SH3D19: variants seen among roughly 807,000 people sequenced by gnomAD.
SH3D19 encodes SH3 domain-containing protein 19.
Under a neutral mutation model 112.1 loss-of-function variants are expected in SH3D19, and 58 were observed. The observed-to-expected ratio is 0.52, with a 90% CI of 0.42 to 0.64. SH3D19 has a LOEUF of 0.64. Ranked by LOEUF, SH3D19 falls within the 30% of genes least tolerant of loss-of-function variation. The pLI, the probability that SH3D19 is intolerant of heterozygous loss-of-function variation, is 0.00. For missense variants in SH3D19, 1,090 were observed against 1,263.4 expected, an observed-to-expected ratio of 0.86 and a Z score of 2.08; for synonymous variants, 391 against 448.5, an observed-to-expected ratio of 0.87 and a Z score of 1.62.
intron 3 of SH3D19, among the ~76,000 whole-genome samples, chr4:151,183,613 A>T (rs1250287260): frequency 6.6e-6 from 1 of 152,230 alleles, no homozygotes; most frequent in Non-Finnish European, 1.5e-5. Context: ...GATCTAAATA[A>T]TTCAAAATTA....
chr4:151,212,735 A>C (rs753111587), intron 2 of SH3D19, among the ~76,000 whole-genome samples: 1 of 152,224 alleles, frequency 6.6e-6, no homozygotes, highest in Non-Finnish European at 1.5e-5. Flanking sequence ...CCATGGATCA[A>C]GGAGTTATTT....
chr4:151,195,835 T>C (rs1020620936), intron 2 of SH3D19, among the ~76,000 whole-genome samples: 8 of 150,504 alleles, frequency 5.3e-5, no homozygotes, highest in African/African-American at 2.0e-4. Context: ...CTTTAGATCA[T>C]ACGTAAAGAA....
chr4:151,185,055 T>G (rs991076979), intron 3 of SH3D19, among the ~76,000 whole-genome samples: 9 of 149,926 alleles, frequency 6.0e-5, no homozygotes, highest in East Asian at 2.0e-4. Flanking sequence ...TTTTTTTTTT[T>G]TTTTTTTTTT....
chr4:151,192,400 T>A (rs1018695232), intron 2 of SH3D19, among the ~76,000 whole-genome samples: 1 of 152,172 alleles, frequency 6.6e-6, no homozygotes, highest in Non-Finnish European at 1.5e-5. Context: ...GAAATATATA[T>A]CATAGTACTG....
At chr4:151,280,851 TA>T (rs1171652431) in intron 1 of SH3D19, among the ~76,000 whole-genome samples, 1 of 151,732 alleles carries the variant, frequency 6.6e-6, no homozygotes, top group African/African-American at 2.4e-5. Flanking sequence ...TTCAAAATGC[TA>T]AAAAAAATTT....
chr4:151,271,683 C>T (rs1176465215), intron 1 of SH3D19, among the ~76,000 whole-genome samples: 1 of 152,168 alleles, frequency 6.6e-6, no homozygotes, highest in Non-Finnish European at 1.5e-5. Flanking sequence ...TCCAAGCCAT[C>T]ACCAAGATAA....
At chr4:151,168,774 C>T (rs11943653) in intron 7 of SH3D19, among the ~76,000 whole-genome samples, 2 of 152,044 alleles carry the variant, frequency 1.3e-5, no homozygotes, top group Non-Finnish European at 1.5e-5. Flanking sequence ...GTATCAATAC[C>T]CTGTTGGTTA....
chr4:151,210,698 G>A (rs1273666356), intron 2 of SH3D19, among the ~76,000 whole-genome samples: 4 of 151,972 alleles, frequency 2.6e-5, no homozygotes, highest in Non-Finnish European at 4.4e-5. Context: ...ACTGTGCCTG[G>A]CCCCCCAGTA....
At position 151,148,288 on chromosome 4, in the gene SH3D19, C is replaced by CACAGAG. The variant is rs902059128; in HGVS notation, c.1818-103_1818-102insCTCTGT. The stretch of plus-strand genomic sequence containing the variant: ...ACACACACACACACACACACACACA[C>CACAGAG]AGAGACACAGCTTTCTGCTAGTGGA... On this transcript the variant is annotated intron_variant, in intron 10 of 19. Coordinates refer to ENST00000604030, the MANE Select transcript of SH3D19 (RefSeq NM_001378122.1). The CACAGAG allele has an allele frequency of 3.6e-6, 3 of 823,320 alleles. No homozygotes were observed. The African/African-American group carries it at 5.1e-5, about 14-fold the overall frequency. 51.0% of individuals were successfully genotyped at this position (823,320 alleles called of 1,614,324 possible). A position where few individuals can be genotyped will look rare whatever the true frequency, so the allele number is the denominator to read the frequency against.
chr4:151,248,685 C>T (rs77432284), intron 1 of SH3D19, among the ~76,000 whole-genome samples: 4,589 of 152,108 alleles, frequency 0.03, 201 homozygotes, highest in African/African-American at 0.1. Flanking sequence ...AAGTGGAAGG[C>T]GCATGGACTT....
At chr4:151,269,294 T>C (rs920279730) in intron 1 of SH3D19, among the ~76,000 whole-genome samples, 2 of 152,170 alleles carry the variant, frequency 1.3e-5, no homozygotes, top group African/African-American at 4.8e-5. Context: ...GGTTGTTTGT[T>C]TTTTTTCTTG....
At chr4:151,247,193 C>T (rs940662301) in intron 1 of SH3D19, among the ~76,000 whole-genome samples, 2 of 152,068 alleles carry the variant, frequency 1.3e-5, no homozygotes, top group Admixed American at 1.3e-4. Flanking sequence ...AAATTGGTCC[C>T]TGGTCTTCTT....
chr4:151,167,665 G>T (rs888798230), intron 7 of SH3D19, among the ~76,000 whole-genome samples: 1 of 152,184 alleles, frequency 6.6e-6, no homozygotes, highest in African/African-American at 2.4e-5. Context: ...TGTCTGGGAC[G>T]TGAGGAGTGT....
At chr4:151,257,509 T>C (rs1480733426) in intron 1 of SH3D19, among the ~76,000 whole-genome samples, 1 of 152,192 alleles carries the variant, frequency 6.6e-6, no homozygotes, top group Non-Finnish European at 1.5e-5. Flanking sequence ...GATGCCCTCC[T>C]GTGCCAGGCA....
intron 3 of SH3D19, among the ~76,000 whole-genome samples, chr4:151,182,079 C>T (rs1040304102): frequency 1.3e-5 from 2 of 151,984 alleles, no homozygotes; most frequent in African/African-American, 4.8e-5. Flanking sequence ...GCCTCGACTT[C>T]CCTGGCTCAA....
intron 11 of SH3D19, among the ~76,000 whole-genome samples, chr4:151,147,249 GA>G (rs1325499694): frequency 4.6e-5 from 7 of 152,142 alleles, no homozygotes; most frequent in Admixed American, 1.3e-4. Flanking sequence ...CTGGGTGATA[GA>G]ATGACACTCC....
At chr4:151,206,595 A>T (rs1306336998) in intron 2 of SH3D19, among the ~76,000 whole-genome samples, 1 of 152,192 alleles carries the variant, frequency 6.6e-6, no homozygotes, top group Non-Finnish European at 1.5e-5. Context: ...TAAAACCAAC[A>T]TGAGTATGTT....
chr4:151,287,360 A>AAGAGGGAACACTTCCC (rs1774905837), intron 1 of SH3D19, among the ~76,000 whole-genome samples: 1 of 151,312 alleles, frequency 6.6e-6, no homozygotes, highest in African/African-American at 2.4e-5. Flanking sequence ...AAAAAAAAAA[A>AAGAGGGAACACTTCCC]AGAGGGAACA....
chr4:151,244,522 A>G (rs1181567236), intron 1 of SH3D19, among the ~76,000 whole-genome samples: 1 of 152,266 alleles, frequency 6.6e-6, no homozygotes, highest in Admixed American at 6.5e-5. Context: ...GTAAATAAAA[A>G]CAAACAATAA....
Sources: allele counts gnomAD v4.1 joint callset (sites outside exome capture counted in the v4.1 genomes callset), GRCh38; gene constraint gnomAD v4.1.1; transcripts MANE v1.5; gene names NCBI Gene and HGNC (gene_info 2026-07-23, HGNC 2026-07-21).